The following RAPH1 variants were observed in gnomAD, a reference collection of about 807,000 sequenced individuals.
The protein encoded by RAPH1 is ras-associated and pleckstrin homology domains-containing protein 1.
A neutral mutation model predicts 88.1 loss-of-function variants in RAPH1; 18 were observed. The observed-to-expected ratio is 0.20, with a 90% CI of 0.14 to 0.30. The LOEUF (loss-of-function observed/expected upper bound fraction) is 0.30, where lower values mean the gene tolerates loss of function less well. Ranked by LOEUF, RAPH1 falls within the 10% of genes least tolerant of loss-of-function variation. The probability of loss-of-function intolerance (pLI) is 1.00; values close to 1 mark genes in which losing one functional copy is unlikely to be tolerated. For synonymous variants in RAPH1, 587 were observed against 559.0 expected (o/e 1.05, Z -0.71); for missense variants, 1,448 against 1,543.2 (o/e 0.94, Z 1.03).
At chr2:203,490,122 T>C (rs1559482620) in intron 3 of RAPH1, 33 bp from the exon 4 acceptor site, 1 of 1,535,012 alleles carries the variant, frequency 6.5e-7, no homozygotes, top group Admixed American at 2.1e-5. Context: ...TTTCCAGAAT[T>C]TATACATTCT....
At chr2:203,477,525 T>C (rs1687519660) in intron 4 of RAPH1, among the ~76,000 whole-genome samples, 1 of 152,158 alleles carries the variant, frequency 6.6e-6, no homozygotes, top group Non-Finnish European at 1.5e-5. Flanking sequence ...GTTATACCTG[T>C]TCTAAGTCTC....
At chr2:203,509,623 A>C (rs1689246415) in intron 1 of RAPH1, among the ~76,000 whole-genome samples, 1 of 152,172 alleles carries the variant, frequency 6.6e-6, no homozygotes, top group African/African-American at 2.4e-5. Flanking sequence ...ACCTCTTCCC[A>C]ACATCCAGAT....
intron 1 of RAPH1, among the ~76,000 whole-genome samples, chr2:203,505,830 TAC>T (rs1341976874): frequency 6.6e-6 from 1 of 152,212 alleles, no homozygotes; most frequent in Non-Finnish European, 1.5e-5. Flanking sequence ...ATAGTTACTA[TAC>T]ACACACGCGC....
intron 12 of RAPH1, 106 bp from the exon 13 acceptor site, chr2:203,445,116 C>A: frequency 1.2e-6 from 1 of 867,626 alleles, no homozygotes; most frequent in Non-Finnish European, 1.7e-6. Flanking sequence ...GTGCTGTGTA[C>A]AACAGCACCA....
At chr2:203,474,506 C>A (rs2098535711) in intron 4 of RAPH1, among the ~76,000 whole-genome samples, 1 of 152,176 alleles carries the variant, frequency 6.6e-6, no homozygotes, top group Non-Finnish European at 1.5e-5. Context: ...AATGAATTTT[C>A]CAGGATGCTA....
At chr2:203,488,164 A>C (rs1460512242) in intron 4 of RAPH1, among the ~76,000 whole-genome samples, 1 of 152,142 alleles carries the variant, frequency 6.6e-6, no homozygotes, top group African/African-American at 2.4e-5. Flanking sequence ...CACCAAACTC[A>C]GCTTTTGTTG....
At chr2:203,449,674 C>CA (rs1374056152) in intron 10 of RAPH1, among the ~76,000 whole-genome samples, 1 of 151,888 alleles carries the variant, frequency 6.6e-6, no homozygotes, top group Non-Finnish European at 1.5e-5. Flanking sequence ...TTCTGAAAAC[C>CA]AAAAAACTAA....
intron 4 of RAPH1, among the ~76,000 whole-genome samples, chr2:203,481,721 A>G (rs1687733455): frequency 6.7e-6 from 1 of 149,738 alleles, no homozygotes; most frequent in South Asian, 2.1e-4. Flanking sequence ...CCTCCCGAGT[A>G]GCTGGAATTG....
intron 4 of RAPH1, among the ~76,000 whole-genome samples, chr2:203,487,587 G>A (rs1003150697): frequency 2.0e-5 from 3 of 152,048 alleles, no homozygotes; most frequent in Non-Finnish European, 4.4e-5. Flanking sequence ...GTTTCACCAT[G>A]TTGGCCAGGG....
chr2:203,485,901 G>A (rs1484238275), intron 4 of RAPH1, among the ~76,000 whole-genome samples: 3 of 152,120 alleles, frequency 2.0e-5, no homozygotes, highest in African/African-American at 7.2e-5. Flanking sequence ...GCTGATAGCT[G>A]AGAAACCCTG....
chr2:203,464,362 C>T (rs1356202807), intron 4 of RAPH1, among the ~76,000 whole-genome samples: 1 of 152,220 alleles, frequency 6.6e-6, no homozygotes, highest in African/African-American at 2.4e-5. Context: ...ACCTCCACCT[C>T]CCGGGTTCAA....
In RAPH1 at chr2:203,489,790, G is replaced by A. The variant is rs1446972465; in HGVS notation, c.526C>T (p.Leu176=). Reference sequence around the variant, plus strand: ...GTTACTAAGGGTTTAGTATCTTCTAGTACAGATTGCTGAGCAGCCTCATCC... The same window carrying A: ...GTTACTAAGGGTTTAGTATCTTCTAATACAGATTGCTGAGCAGCCTCATCC... ...SMDEAAQQSV[L]EDTKPLVTNQ... is the part of the protein sequence containing the mutation. The change falls in exon 4 of 14, where the codon CTA becomes TTA. Residue 176 remains leucine, a synonymous_variant. Coordinates refer to ENST00000319170, the MANE Select transcript of RAPH1 (RefSeq NM_213589.3). 3 of 1,614,082 alleles carry A rather than the reference G, an allele frequency of 1.9e-6. No homozygotes were observed. The African/African-American group carries it at 4.0e-5, about 22-fold the overall frequency.
At chr2:203,466,923 A>G (rs1208405507) in intron 4 of RAPH1, among the ~76,000 whole-genome samples, 1 of 152,230 alleles carries the variant, frequency 6.6e-6, no homozygotes, top group African/African-American at 2.4e-5. Flanking sequence ...AGAAAGTGCT[A>G]CTGTTGCTAA....
intron 4 of RAPH1, among the ~76,000 whole-genome samples, chr2:203,478,266 C>T (rs1687561226): frequency 6.6e-6 from 1 of 152,038 alleles, no homozygotes; most frequent in Non-Finnish European, 1.5e-5. Context: ...AATCTCCTGA[C>T]CTCGTGATCC....
intron 1 of RAPH1, among the ~76,000 whole-genome samples, chr2:203,510,330 C>A (rs1689280018): frequency 1.3e-5 from 1 of 75,670 alleles, no homozygotes. Flanking sequence ...AGCAAAACTC[C>A]ATCTCAAAAA....
chr2:203,435,766 T>TTAA lies in RAPH1; in HGVS notation c.*3670_*3671insTTA, dbSNP rs1195063794. 1.3e-5 allele frequency: 2 copies of TTAA among 152,186 alleles called. No homozygotes were observed. Among genetic ancestry groups the TTAA allele is most frequent in the Non-Finnish European group, 2.9e-5 (2 of 68,040 alleles). The allele number at this position is 152,186 out of a possible 1,614,324, so 9.4% of individuals were successfully genotyped here. Reference sequence around the variant, plus strand: ...GTAATGTACAAAAATAGGAATGGGTTTTTTACCTGTTTAAAGTCACTTTGT... The same window carrying TTAA: ...GTAATGTACAAAAATAGGAATGGGTTTAATTTTACCTGTTTAAAGTCACTTTGT... On this transcript the variant is annotated 3_prime_UTR_variant, in exon 14 of 14. Coordinates refer to ENST00000319170, the MANE Select transcript of RAPH1 (RefSeq NM_213589.3).
rs1283680837 is a variant in RAPH1 at position 203,439,204 on chromosome 2, A to AT, written c.*232dup. ...TTAGGAGAGAAAAGGAATAAATAGA[A>AT]TAACTCTCAGCTCTCTCTCTATATA... On this transcript the variant is annotated 3_prime_UTR_variant, in exon 14 of 14. Transcript: ENST00000319170. 2 of 443,992 alleles carry AT rather than the reference A, an allele frequency of 4.5e-6. No homozygotes were observed. Among genetic ancestry groups the AT allele is most frequent in the African/African-American group, 3.8e-5 (2 of 52,002 alleles). The allele number at this position is 443,992 out of a possible 1,614,324, so 27.5% of individuals were successfully genotyped here.
chr2:203,478,257 A>G (rs1273391783), intron 4 of RAPH1, among the ~76,000 whole-genome samples: 1 of 151,842 alleles, frequency 6.6e-6, no homozygotes, highest in Non-Finnish European at 1.5e-5. Context: ...GATGGTCTCA[A>G]TCTCCTGACC....
Position 203,441,191 on chromosome 2 carries a change from A to G in RAPH1, c.1999T>C (p.Tyr667His), listed in dbSNP as rs778575563. Residue 667 changes from tyrosine (Y) to histidine (H), a missense_variant, in exon 14 of 14, where the codon TAC becomes CAC. Around this residue, in one of 2 missense-constraint regions of RAPH1, gnomAD observed 935 missense variants for 890.1 expected, o/e 1.05. Coordinates refer to ENST00000319170, the MANE Select transcript of RAPH1 (RefSeq NM_213589.3). ...AGSAAPMFVK[Y>H]STITRLQNAS... is the part of the protein sequence containing the mutation. ...TTCTGTAGCCGTGTTATTGTGCTGTACTTGACGAACATTGGGGCTGCTGAG... is the reference window on the plus strand; with the variant it reads ...TTCTGTAGCCGTGTTATTGTGCTGTGCTTGACGAACATTGGGGCTGCTGAG... 6 of 1,590,678 alleles carry G rather than the reference A, an allele frequency of 3.8e-6. No individual in the cohort carries two copies. In the Admixed American group the frequency reaches 1.0e-4, roughly 27 times the overall value.
Sources: allele counts gnomAD v4.1 joint callset (sites outside exome capture counted in the v4.1 genomes callset), GRCh38; gene constraint gnomAD v4.1.1; regional missense constraint gnomAD v4.1.1; transcripts MANE v1.5; gene names NCBI Gene and HGNC (gene_info 2026-07-23, HGNC 2026-07-21).